Variants in ZNF676 observed in about 807,000 individuals in gnomAD.
The protein encoded by ZNF676 is zinc finger protein 676.
A neutral mutation model predicts 6.0 loss-of-function variants in ZNF676; 4 were observed. That is an observed-to-expected ratio of 0.67 (90% CI 0.33 to 1.53). ZNF676 has a LOEUF of 1.53. ZNF676 is among the 40% of genes most tolerant of loss of function. ZNF676 has a pLI of 0.06. For missense variants in ZNF676, 644 were observed against 679.7 expected (o/e 0.95, Z 0.58); for synonymous variants, 198 against 223.1 (o/e 0.89, Z 1.00).
chr19:22,250,049 G>C, the ZNF676 span, among the ~76,000 whole-genome samples: 3 of 151,848 alleles, frequency 2.0e-5, no homozygotes, highest in African/African-American at 7.3e-5. Context: ...AAGTGTGGTG[G>C]CACATGCTTG....
In ZNF676 at chr19:22,215,526, C is replaced by A; in HGVS notation, c.3+106G>T. The stretch of plus-strand genomic sequence containing the variant: ...CTGAGGTCGAGCTAGGCAAGGAGAA[C>A]TTGTGGAGCTGACTGCGGGTAGGCT... On this transcript the variant is annotated intron_variant, in intron 1 of 3. Transcript: ENST00000650058. The A allele has an allele frequency of 2.9e-6, 4 of 1,360,842 alleles. No homozygotes were observed. The Admixed American group carries it at 7.1e-5, about 24-fold the overall frequency. The allele number at this position is 1,360,842 out of a possible 1,614,324, so 84.3% of individuals were successfully genotyped here.
At chr19:22,218,191 T>C (rs1160469205), upstream of ZNF676, among the ~76,000 whole-genome samples, 1 of 152,228 alleles carries the variant, frequency 6.6e-6, no homozygotes, top group African/African-American at 2.4e-5. Context: ...TTTGAGGTTC[T>C]TGGTCATGCA....
intron 2 of ZNF676, among the ~76,000 whole-genome samples, chr19:22,186,868 C>T (rs2023846906): frequency 6.6e-6 from 1 of 152,144 alleles, no homozygotes; most frequent in South Asian, 2.1e-4. Flanking sequence ...CACAGGAGCA[C>T]CCAGAATCAT....
chr19:22,190,538 T>C (rs1304235495), intron 2 of ZNF676, among the ~76,000 whole-genome samples: 1 of 148,230 alleles, frequency 6.7e-6, no homozygotes, highest in East Asian at 2.0e-4. Flanking sequence ...GGCATTAAAG[T>C]TCCTGATTTC....
chr19:22,253,987 C>T, the ZNF676 span, among the ~76,000 whole-genome samples: 1 of 152,162 alleles, frequency 6.6e-6, no homozygotes, highest in Non-Finnish European at 1.5e-5. Context: ...GACAGTATCT[C>T]TTCTATTGGC....
chr19:22,237,461 GTTCT>G, the ZNF676 span, among the ~76,000 whole-genome samples: 56,910 of 151,488 alleles, frequency 0.38, 10,863 homozygotes, highest in African/African-American at 0.45. Flanking sequence ...AACTCAAGCA[GTTCT>G]TTCTGAGTGT....
intron 2 of ZNF676, among the ~76,000 whole-genome samples, chr19:22,191,641 AG>A (rs1362416981): frequency 6.6e-6 from 1 of 152,188 alleles, no homozygotes; most frequent in Non-Finnish European, 1.5e-5. Flanking sequence ...ACTTGACTGT[AG>A]AAACCTGCCC....
At position 22,202,110 on chromosome 19, in the gene ZNF676, G is replaced by T. The variant is rs1197087508; in HGVS notation, c.4-5384C>A. On this transcript the variant is annotated intron_variant, in intron 1 of 3. Transcript: ENST00000650058. Reference sequence around the variant, plus strand: ...AGCTGCAAATTCAGGTCCTGCATGGGTAAAGTAGCAGCAGGTGGTATCTGA... The same window carrying T: ...AGCTGCAAATTCAGGTCCTGCATGGTTAAAGTAGCAGCAGGTGGTATCTGA... 2.6e-5 allele frequency among the ~76,000 whole-genome samples: 4 copies of T among 152,072 alleles called. No homozygotes were observed. In the East Asian group the frequency reaches 7.7e-4, roughly 29 times the overall value.
chr19:22,215,701 C>T (rs1326993848), exon 1 of ZNF676: 3 of 1,581,460 alleles, frequency 1.9e-6, no homozygotes, highest in African/African-American at 1.3e-5. Context: ...GTCATAGGGC[C>T]ACAGAGGCTG....
At chr19:22,187,659 T>C (rs2023856905) in intron 2 of ZNF676, among the ~76,000 whole-genome samples, 1 of 151,018 alleles carries the variant, frequency 6.6e-6, no homozygotes, top group African/African-American at 2.4e-5. Context: ...AAGAATCAAA[T>C]AGATGCAATC....
rs371464752 is a variant in ZNF676 at position 22,202,028 on chromosome 19, T to C, written c.4-5302A>G. Among the ~76,000 whole-genome samples, 3 of 152,266 alleles carry C rather than the reference T, an allele frequency of 2.0e-5. No individual in the cohort carries two copies. The South Asian group carries it at 6.2e-4, about 32-fold the overall frequency. On this transcript the variant is annotated intron_variant, in intron 1 of 3. Coordinates refer to the ZNF676 transcript ENST00000650058. ...TGATAACTAAAAGGACTTGCATTCC[T>C]CAGATAAAAACTTTTTTTTTTCTTT...
At position 22,181,477 on chromosome 19, in the gene ZNF676, G is replaced by A. The variant is rs748943335; in HGVS notation, c.240C>T (p.His80=). ...RYDKCGHENL[H]LKISCTNVDE... ...CCACATTGGTACAACTAATTTTTAAGTGTAAATTCTCATGTCCACATTTGT... is the reference window on the plus strand; with the variant it reads ...CCACATTGGTACAACTAATTTTTAAATGTAAATTCTCATGTCCACATTTGT... The change falls in exon 3 of 3, where the codon CAC becomes CAT. Residue 80 remains histidine (H), a synonymous_variant. Transcript: ENST00000397121. The A allele has an allele frequency of 3.6e-5, 58 of 1,613,516 alleles. No individual in the cohort carries two copies. In the East Asian group the frequency reaches 1.2e-3, roughly 32 times the overall value.
Position 22,180,142 on chromosome 19 carries a change from T to A in ZNF676, c.1575A>T (p.Ile525=), listed in dbSNP as rs537802413. Reference sequence around the variant, plus strand: ...TGTAGGGTTTCTCTCCAGTATGAATTATCTTATGTTCAGTAAGGATCGAGG... The same window carrying A: ...TGTAGGGTTTCTCTCCAGTATGAATAATCTTATGTTCAGTAAGGATCGAGG... ...SWSSILTEHK[I]IHTGEKPYKC... Residue 525 remains isoleucine (I), a synonymous_variant, in exon 3 of 3, where the codon ATA becomes ATT. Transcript: ENST00000397121. 349 of 1,613,526 alleles carry A rather than the reference T, an allele frequency of 2.2e-4. 4 individuals are homozygous for A. The South Asian group carries it at 3.5e-3, about 16-fold the overall frequency.
At chr19:22,231,348 A>G in the ZNF676 span, among the ~76,000 whole-genome samples, 2 of 152,054 alleles carry the variant, frequency 1.3e-5, no homozygotes, top group African/African-American at 4.8e-5. Context: ...ACAATAAAAT[A>G]ACATTATTAA....
At chr19:22,191,387 G>A (rs1294355903) in intron 2 of ZNF676, among the ~76,000 whole-genome samples, 1 of 152,128 alleles carries the variant, frequency 6.6e-6, no homozygotes, top group East Asian at 1.9e-4. Context: ...CAGTCTGTGA[G>A]AGGTCTTGGT....
chr19:22,184,771 G>C (rs138971552), intron 2 of ZNF676, among the ~76,000 whole-genome samples: 29 of 139,894 alleles, frequency 2.1e-4, no homozygotes, highest in African/African-American at 7.5e-4. Flanking sequence ...GCCCACCGCA[G>C]CTAGCAAGAC....
At chr19:22,230,538 A>C in the ZNF676 span, among the ~76,000 whole-genome samples, 1 of 152,048 alleles carries the variant, frequency 6.6e-6, no homozygotes, top group East Asian at 1.9e-4. Flanking sequence ...AGTTTCTTTT[A>C]TTGAAAATAA....
At chr19:22,256,847 C>T in the ZNF676 span, among the ~76,000 whole-genome samples, 14 of 152,120 alleles carry the variant, frequency 9.2e-5, no homozygotes, top group South Asian at 2.1e-4. Flanking sequence ...ATAGAACCCA[C>T]GCATAAGAGT....
the ZNF676 span, among the ~76,000 whole-genome samples, chr19:22,223,532 T>C: frequency 1.3e-5 from 2 of 150,608 alleles, no homozygotes; most frequent in Non-Finnish European, 2.9e-5. Flanking sequence ...TTTTTTTAAA[T>C]TTTACTGATG....
Sources: gnomAD v4.1 joint callset for allele counts (sites outside exome capture counted in the v4.1 genomes callset) on GRCh38, gnomAD v4.1.1 for gene constraint, MANE v1.5 for transcripts, NCBI Gene and HGNC (gene_info 2026-07-23, HGNC 2026-07-21) for gene names.